The following DAP3 variants were observed in gnomAD, a reference collection of about 807,000 sequenced individuals.
The protein encoded by DAP3 is death associated protein 3, also known as small ribosomal subunit protein mS29.
Under a neutral mutation model 51.9 loss-of-function variants are expected in DAP3, and 28 were observed. The ratio of observed to expected loss-of-function variants is 0.54; its 90% CI spans 0.40 to 0.74. The LOEUF is 0.74. DAP3 is among the 30% of genes least tolerant of loss of function. DAP3 has a pLI of 0.00. For synonymous variants in DAP3, 170 were observed against 170.3 expected (o/e 1.00, Z 0.01); for missense variants, 458 against 483.5 (o/e 0.95, Z 0.49).
At position 155,729,092 on chromosome 1, in the gene DAP3, AG is replaced by A; in HGVS notation, c.657del (p.Ser220ValfsTer11). ...VWNKRESTEKGSPLGEVVEQG... is the reference protein window; with the variant it reads ...VWNKRESTEKXSPLGEVVEQG... ...GGAATAAGAGAGAAAGCACTGAGAA[AG>A]GGAGTCCTCTGGGAGAAGTGGTTGA... On this transcript the variant is annotated frameshift_variant, in exon 8 of 13. Coordinates refer to ENST00000368336, the MANE Select transcript of DAP3 (RefSeq NM_004632.4). LOFTEE classifies it high-confidence loss of function. 1 of 1,614,180 alleles carries A rather than the reference AG, an allele frequency of 6.2e-7. No homozygotes were observed. Among genetic ancestry groups the A allele is most frequent in the Non-Finnish European group, 8.5e-7 (1 of 1,180,040 alleles).
At chr1:155,700,802 GC>G (rs1480331228) in intron 1 of DAP3, among the ~76,000 whole-genome samples, 2 of 129,196 alleles carry the variant, frequency 1.5e-5, no homozygotes, top group Non-Finnish European at 3.3e-5. Flanking sequence ...GGGTGCCTCT[GC>G]CCGGCCGCCC....
At chr1:155,702,960 C>T (rs1193081422) in intron 1 of DAP3, among the ~76,000 whole-genome samples, 1 of 152,030 alleles carries the variant, frequency 6.6e-6, no homozygotes, top group Non-Finnish European at 1.5e-5. Context: ...CAGAGTGAGA[C>T]TCCGTTTCAA....
Position 155,729,239 on chromosome 1 carries a change from C to G in DAP3, c.716C>G (p.Ala239Gly), listed in dbSNP as rs147699097. ...GITRVRNATD[A>G]VGIVLKELKR... is the part of the protein sequence containing the mutation. ...ACACGGGTGAGGAACGCCACAGATG[C>G]AGTTGGAATTGTGCTGAAAGAGCTA... The change falls in exon 9 of 13, where the codon GCA (alanine) becomes GGA (glycine). Residue 239 changes from alanine (A) to glycine (G), a missense_variant. Physicochemically the swap from Ala to Gly is moderately conservative, Grantham distance 60 (BLOSUM62 0). Transcript: ENST00000368336. 58 of 1,614,016 alleles carry G rather than the reference C, an allele frequency of 3.6e-5. No individual in the cohort carries two copies. The African/African-American group carries it at 7.1e-4, about 20-fold the overall frequency.
At chr1:155,702,460 G>C (rs905436449) in intron 1 of DAP3, among the ~76,000 whole-genome samples, 2 of 152,082 alleles carry the variant, frequency 1.3e-5, no homozygotes, top group Admixed American at 6.6e-5. Flanking sequence ...CAGCTTGGGG[G>C]ACAGAGCGAG....
chr1:155,689,674 G>T, intron 1 of DAP3: 1 of 327,480 alleles, frequency 3.1e-6, no homozygotes, highest in Non-Finnish European at 5.9e-6. Context: ...AGCACTTTGG[G>T]AGGCCGAGGC....
At chr1:155,694,958 C>A (rs750523065) in intron 1 of DAP3, among the ~76,000 whole-genome samples, 2 of 152,134 alleles carry the variant, frequency 1.3e-5, no homozygotes, top group Non-Finnish European at 2.9e-5. Context: ...TGGAATATTC[C>A]CTATCTCCCC....
At chr1:155,704,141 G>T (rs913361393) in intron 1 of DAP3, among the ~76,000 whole-genome samples, 1 of 152,016 alleles carries the variant, frequency 6.6e-6, no homozygotes, top group East Asian at 1.9e-4. Context: ...ACTGAGACCC[G>T]ATCTCACAAA....
chr1:155,689,400 A>G (rs1653339190), intron 1 of DAP3: 1 of 481,442 alleles, frequency 2.1e-6, no homozygotes, highest in South Asian at 1.5e-5. Flanking sequence ...CACTGTCCAT[A>G]TGCGATGATG....
At chr1:155,730,554 C>T (rs1015815858) in intron 9 of DAP3, among the ~76,000 whole-genome samples, 3 of 151,746 alleles carry the variant, frequency 2.0e-5, no homozygotes, top group South Asian at 2.1e-4. Flanking sequence ...AGGCAGAGCC[C>T]GCAATGAGTG....
intron 1 of DAP3, among the ~76,000 whole-genome samples, chr1:155,699,296 T>G (rs1375609140): frequency 6.6e-6 from 1 of 152,174 alleles, no homozygotes; most frequent in Non-Finnish European, 1.5e-5. Flanking sequence ...GGAGTGGGCT[T>G]AACTAGGAGC....
At position 155,729,194 on chromosome 1, in the gene DAP3, GTCTC is replaced by G; in HGVS notation, c.685-11_685-8del. 6.2e-7 allele frequency: 1 copy of G among 1,614,114 alleles called. No individual in the cohort carries two copies. The highest frequency in any genetic ancestry group is 1.1e-5 in the South Asian group (1 of 91,076). The stretch of plus-strand genomic sequence containing the variant: ...GCCTCTGGTAGCACTACAATCCACT[GTCTC>G]TCCCAATAGGGCATAACACGGGTGA... On this transcript the variant is annotated splice_polypyrimidine_tract_variant and intron_variant, in intron 8 of 12. Transcript: ENST00000368336.
intron 11 of DAP3, among the ~76,000 whole-genome samples, chr1:155,732,790 C>G (rs112057657): frequency 6.6e-6 from 1 of 151,884 alleles, no homozygotes; most frequent in African/African-American, 2.4e-5. Context: ...TTTGGGAGGC[C>G]GAGGCAGGCG....
At chr1:155,726,048 T>G (rs774355418) in intron 6 of DAP3, 29 bp downstream of exon 6, 4 of 1,586,472 alleles carry the variant, frequency 2.5e-6, no homozygotes, top group Non-Finnish European at 3.5e-6. Flanking sequence ...TTCTTCTGTC[T>G]GTTAGGTTTA....
At chr1:155,708,949 C>T (rs1473246179) in intron 1 of DAP3, 3 of 152,232 alleles carry the variant, frequency 2.0e-5, no homozygotes, top group African/African-American at 7.2e-5. Flanking sequence ...GATCTGCCCG[C>T]CTCGGCCTCC....
chr1:155,713,557 T>G (rs1656961983), intron 2 of DAP3, among the ~76,000 whole-genome samples: 1 of 152,230 alleles, frequency 6.6e-6, no homozygotes, highest in South Asian at 2.1e-4. Flanking sequence ...ACTAAATACC[T>G]GTAGTGTGTT....
At chr1:155,719,702 C>T (rs1343926397) in intron 3 of DAP3, among the ~76,000 whole-genome samples, 6 of 151,888 alleles carry the variant, frequency 4.0e-5, no homozygotes, top group African/African-American at 1.2e-4. Context: ...CGCCTGCCAC[C>T]GTGCCTGGCT....
intron 11 of DAP3, among the ~76,000 whole-genome samples, chr1:155,733,687 A>C (rs1409330793): frequency 6.6e-6 from 1 of 151,838 alleles, no homozygotes; most frequent in Non-Finnish European, 1.5e-5. Flanking sequence ...AAATGTAAAA[A>C]TTAGCCAGGT....
At chr1:155,726,840 G>A (rs1454654128) in intron 6 of DAP3, 1 of 151,472 alleles carries the variant, frequency 6.6e-6, no homozygotes, top group East Asian at 1.9e-4. Context: ...ATGTAGAGCA[G>A]ACTGAGCTCA....
intron 1 of DAP3, among the ~76,000 whole-genome samples, chr1:155,704,340 C>T (rs1655689752): frequency 6.6e-6 from 1 of 152,146 alleles, no homozygotes; most frequent in African/African-American, 2.4e-5. Context: ...AAAATAATAG[C>T]TCCAGTGTCC....
Sources: gnomAD v4.1 joint callset for allele counts (sites outside exome capture counted in the v4.1 genomes callset) on GRCh38, gnomAD v4.1.1 for gene constraint, MANE v1.5 for transcripts, NCBI Gene and HGNC (gene_info 2026-07-23, HGNC 2026-07-21) for gene names.